Variants in ADAM32 observed in about 807,000 individuals in gnomAD.
The protein encoded by ADAM32 is disintegrin and metalloproteinase domain-containing protein 32.
In ADAM32, 89 loss-of-function variants were observed where a neutral mutation model predicts 114.9. That is an observed-to-expected ratio of 0.77 (90% confidence interval 0.65 to 0.92). ADAM32 has a LOEUF of 0.92. ADAM32 is among the 40% of genes least tolerant of loss of function. The pLI is 0.00. For missense variants in ADAM32, 870 were observed against 932.8 expected (o/e 0.93, Z 0.88); for synonymous variants, 285 against 307.5 (o/e 0.93, Z 0.77).
chr8:39,233,892 T>A lies in ADAM32; in HGVS notation c.1635-7T>A. On this transcript the variant is annotated splice_polypyrimidine_tract_variant and splice_region_variant and intron_variant, in intron 15 of 24. Coordinates refer to ENST00000379907, the MANE Select transcript of ADAM32 (RefSeq NM_145004.7). ...ATAATAATCATATATATTTTTTATG[T>A]TTTCAGGAATCTTATATGTGGAAGA... 1 of 1,477,960 alleles carries A rather than the reference T, an allele frequency of 6.8e-7. No individual in the cohort carries two copies. The highest frequency in any genetic ancestry group is 9.0e-7 in the Non-Finnish European group (1 of 1,107,394). The allele number at this position is 1,477,960 out of a possible 1,614,324, so 91.6% of individuals were successfully genotyped here.
chr8:39,205,880 CT>C (rs1278946410), intron 11 of ADAM32, among the ~76,000 whole-genome samples: 2 of 152,056 alleles, frequency 1.3e-5, no homozygotes, highest in Non-Finnish European at 2.9e-5. Flanking sequence ...TCATAGATTT[CT>C]TTTTGTTTTG....
intron 1 of ADAM32, 39 bp downstream of exon 1, chr8:39,107,872 G>A (rs1236425594): frequency 8.0e-6 from 12 of 1,497,242 alleles, no homozygotes; most frequent in Admixed American, 2.3e-5. Context: ...CCGGGCGCTC[G>A]TCACACTGCG....
chr8:39,210,179 T>C (rs1265265424), intron 11 of ADAM32, among the ~76,000 whole-genome samples: 1 of 152,170 alleles, frequency 6.6e-6, no homozygotes, highest in African/African-American at 2.4e-5. Flanking sequence ...TTCAGCCTGG[T>C]GCTGTGTTTT....
intron 19 of ADAM32, among the ~76,000 whole-genome samples, chr8:39,257,652 T>C (rs2129450691): frequency 6.6e-6 from 1 of 152,236 alleles, no homozygotes; most frequent in South Asian, 2.1e-4. Flanking sequence ...ACAACAGAAG[T>C]ATTTATTAAA....
At chr8:39,208,062 G>C (rs1807963467) in intron 11 of ADAM32, among the ~76,000 whole-genome samples, 1 of 151,930 alleles carries the variant, frequency 6.6e-6, no homozygotes. Flanking sequence ...GTGACATTCT[G>C]ATTTTTTTTT....
At chr8:39,151,314 TGTCA>T in intron 5 of ADAM32, 59 bp from the exon 6 acceptor site, 1 of 1,347,084 alleles carries the variant, frequency 7.4e-7, no homozygotes, top group Non-Finnish European at 9.9e-7. Flanking sequence ...TTTTGGATTT[TGTCA>T]GAAATTCATT....
At chr8:39,137,191 A>C (rs376137165) in intron 3 of ADAM32, among the ~76,000 whole-genome samples, 8 of 152,236 alleles carry the variant, frequency 5.3e-5, no homozygotes, top group African/African-American at 1.9e-4. Context: ...AATTGAAATA[A>C]TTTTCTATAG....
intron 10 of ADAM32, among the ~76,000 whole-genome samples, chr8:39,171,668 CTTCTGTTGGTTAAATT>C (rs1805209556): frequency 6.6e-6 from 1 of 151,894 alleles, no homozygotes; most frequent in South Asian, 2.1e-4. Context: ...CATTTAAGTT[CTTCTGTTGGTTAAATT>C]TATTTATTTA....
chr8:39,183,758 G>T (rs775926410), intron 10 of ADAM32, among the ~76,000 whole-genome samples: 4 of 152,196 alleles, frequency 2.6e-5, no homozygotes, highest in Admixed American at 6.5e-5. Flanking sequence ...TTGCTTCTGT[G>T]TTACAGGACA....
intron 17 of ADAM32, among the ~76,000 whole-genome samples, chr8:39,249,943 A>C (rs1366959487): frequency 6.6e-6 from 1 of 152,072 alleles, no homozygotes; most frequent in Non-Finnish European, 1.5e-5. Flanking sequence ...AGTCCAGTAT[A>C]ATTTTTATCT....
chr8:39,137,770 C>CAAAA (rs34189859), intron 3 of ADAM32, among the ~76,000 whole-genome samples: 5 of 136,736 alleles, frequency 3.7e-5, no homozygotes, highest in African/African-American at 1.1e-4. Flanking sequence ...GACACTGTCT[C>CAAAA]AAAAAAAAAA....
intron 16 of ADAM32, among the ~76,000 whole-genome samples, chr8:39,245,115 T>C (rs1028491333): frequency 6.6e-6 from 1 of 152,180 alleles, no homozygotes. Flanking sequence ...CATGGAATCC[T>C]ACTCAGCCTT....
intron 3 of ADAM32, among the ~76,000 whole-genome samples, chr8:39,143,590 C>T (rs896083826): frequency 1.3e-5 from 2 of 152,102 alleles, no homozygotes; most frequent in Non-Finnish European, 2.9e-5. Context: ...AAACTTCATC[C>T]CAGAGGGGCA....
chr8:39,132,602 C>G (rs938544135), intron 2 of ADAM32, among the ~76,000 whole-genome samples: 2 of 152,180 alleles, frequency 1.3e-5, no homozygotes, highest in African/African-American at 4.8e-5. Context: ...TATGTTAACT[C>G]ACACATTTAC....
chr8:39,135,458 T>A (rs572112043), intron 2 of ADAM32, among the ~76,000 whole-genome samples: 2 of 152,346 alleles, frequency 1.3e-5, no homozygotes, highest in Admixed American at 1.3e-4. Context: ...AGAGTTCCCA[T>A]ATATACTGTT....
chr8:39,153,217 A>G (rs1803947679), intron 6 of ADAM32, among the ~76,000 whole-genome samples: 1 of 152,244 alleles, frequency 6.6e-6, no homozygotes. Flanking sequence ...TTTCAATGCT[A>G]GCAAATATAT....
intron 3 of ADAM32, among the ~76,000 whole-genome samples, chr8:39,143,174 T>C (rs1803281004): frequency 6.6e-6 from 1 of 152,184 alleles, no homozygotes; most frequent in South Asian, 2.1e-4. Flanking sequence ...CTTGGAGAAA[T>C]TTGTTATTAC....
At chr8:39,196,149 T>C (rs1806970283) in intron 11 of ADAM32, among the ~76,000 whole-genome samples, 1 of 152,174 alleles carries the variant, frequency 6.6e-6, no homozygotes, top group Non-Finnish European at 1.5e-5. Flanking sequence ...CTAGTTTGTT[T>C]CTGGAGAATA....
intron 1 of ADAM32, among the ~76,000 whole-genome samples, 186 bp from the exon 2 acceptor site, chr8:39,117,900 C>T (rs550294703): frequency 1.3e-4 from 20 of 152,180 alleles, no homozygotes; most frequent in African/African-American, 4.6e-4. Flanking sequence ...CTCTTCCCTT[C>T]TCCTTTTTTG....
Sources: gnomAD v4.1 joint callset for allele counts (sites outside exome capture counted in the v4.1 genomes callset) on GRCh38, gnomAD v4.1.1 for gene constraint, MANE v1.5 for transcripts, NCBI Gene and HGNC (gene_info 2026-07-23, HGNC 2026-07-21) for gene names.